CCDC60: variants seen among roughly 807,000 people sequenced by gnomAD.
CCDC60 encodes the protein coiled-coil domain containing 60, also known as coiled-coil domain-containing protein 60.
In CCDC60, 54 loss-of-function variants were observed where a neutral mutation model predicts 63.5. The ratio of observed to expected loss-of-function variants is 0.85; its 90% CI spans 0.68 to 1.07. The LOEUF (loss-of-function observed/expected upper bound fraction) is 1.07, where lower values mean the gene tolerates loss of function less well. CCDC60 is among the 50% of genes least tolerant of loss of function. The pLI is 0.00. For synonymous variants in CCDC60, 206 were observed against 238.8 expected, an observed-to-expected ratio of 0.86 and a Z score of 1.27; for missense variants, 651 against 684.3, an observed-to-expected ratio of 0.95 and a Z score of 0.54.
chr12:119,370,522 A>G (rs1383987189), intron 1 of CCDC60, among the ~76,000 whole-genome samples: 1 of 152,222 alleles, frequency 6.6e-6, no homozygotes, highest in African/African-American at 2.4e-5. Flanking sequence ...TATTTTCAAC[A>G]CAGCTCTTTA....
intron 1 of CCDC60, among the ~76,000 whole-genome samples, chr12:119,395,069 G>T (rs1956227104): frequency 6.6e-6 from 1 of 152,200 alleles, no homozygotes; most frequent in South Asian, 2.1e-4. Flanking sequence ...CCTACAGAAG[G>T]TATAATGTGT....
intron 1 of CCDC60, among the ~76,000 whole-genome samples, chr12:119,355,898 T>C (rs891638176): frequency 5.3e-5 from 8 of 152,224 alleles, no homozygotes; most frequent in Non-Finnish European, 1.0e-4. Flanking sequence ...CATGGCATGC[T>C]GGTGGATGTG....
At chr12:119,482,143 TAC>T (rs997114191) in intron 4 of CCDC60, among the ~76,000 whole-genome samples, 25 of 143,444 alleles carry the variant, frequency 1.7e-4, no homozygotes, top group South Asian at 4.5e-4. Context: ...CACATATATA[TAC>T]ACACACACAC....
At chr12:119,466,562 A>G (rs1234680003) in intron 2 of CCDC60, among the ~76,000 whole-genome samples, 4 of 152,158 alleles carry the variant, frequency 2.6e-5, no homozygotes, top group Admixed American at 2.6e-4. Context: ...CCACCACACC[A>G]TTCCCTTCTG....
rs1214991265 is a variant in CCDC60 at position 119,344,877 on chromosome 12, A to T, written c.90+9611A>T. Among the ~76,000 whole-genome samples the T allele has an allele frequency of 5.3e-5, 8 of 151,014 alleles. No individual in the cohort carries two copies. The South Asian group carries it at 8.5e-4, about 16-fold the overall frequency. ...CTCTCACACACACACACACACACAC[A>T]CACACACACACACACACACACAATC... On this transcript the variant is annotated intron_variant, in intron 1 of 13. Coordinates refer to ENST00000327554, the MANE Select transcript of CCDC60 (RefSeq NM_178499.5).
Position 119,461,505 on chromosome 12 carries a change from CT to C in CCDC60, c.171-10488del, listed in dbSNP as rs368995290. The stretch of plus-strand genomic sequence containing the variant: ...AGCCCTGCTGAGAATACTCCTATTG[CT>C]GCAGTAAGCATCCTCTCATCAGCTC... On this transcript the variant is annotated intron_variant, in intron 2 of 13. Transcript: ENST00000327554. 2.9e-3 allele frequency among the ~76,000 whole-genome samples: 444 copies of C among 152,262 alleles called. 5 individuals carry two copies. The highest frequency in any genetic ancestry group is 0.01 in the African/African-American group (420 of 41,538).
intron 2 of CCDC60, among the ~76,000 whole-genome samples, chr12:119,471,155 C>G (rs1951048560): frequency 1.3e-5 from 2 of 152,172 alleles, no homozygotes; most frequent in South Asian, 4.1e-4. Context: ...AGGTGTGTAG[C>G]CCATCACGAC....
At chr12:119,495,379 C>A (rs1951696742) in intron 5 of CCDC60, among the ~76,000 whole-genome samples, 1 of 152,186 alleles carries the variant, frequency 6.6e-6, no homozygotes, top group African/African-American at 2.4e-5. Flanking sequence ...GATGTTATCA[C>A]ATATAAACTG....
chr12:119,474,331 C>T (rs867837409), intron 3 of CCDC60, among the ~76,000 whole-genome samples: 16 of 152,268 alleles, frequency 1.1e-4, no homozygotes, highest in African/African-American at 2.9e-4. Context: ...ATGGAAGCCA[C>T]GACAGATACC....
rs77266724 is a variant in CCDC60 at position 119,485,748 on chromosome 12, G to A, written c.450-3011G>A. ...TCTCCTAACACAGTCACACGCTGAG[G>A]TACAGAGGTTCGAATTTCAACAAAT... On this transcript the variant is annotated intron_variant, in intron 4 of 13. Coordinates refer to ENST00000327554, the MANE Select transcript of CCDC60 (RefSeq NM_178499.5). Among the ~76,000 whole-genome samples, 342 of 152,232 alleles carry A rather than the reference G, an allele frequency of 2.2e-3. 6 individuals are homozygous for A. The East Asian group carries it at 0.042, about 18-fold the overall frequency.
At chr12:119,359,473 A>G (rs566338139) in intron 1 of CCDC60, among the ~76,000 whole-genome samples, 1 of 151,988 alleles carries the variant, frequency 6.6e-6, no homozygotes, top group South Asian at 2.1e-4. Context: ...AAGAATAAAT[A>G]TTGAGAATAT....
rs76936401 is a variant in CCDC60 at position 119,395,159 on chromosome 12, G to A, written c.91-33524G>A. On this transcript the variant is annotated intron_variant, in intron 1 of 13. Transcript: ENST00000327554. ...TATCTGGGCAGAGGTGCAACCAACA[G>A]ATGAAAAGTCATGAATGACTCTATA... is the stretch of plus-strand genomic sequence containing the variant. Among the ~76,000 whole-genome samples, 743 of 152,334 alleles carry A rather than the reference G, an allele frequency of 4.9e-3. 9 individuals carry two copies. The highest frequency in any genetic ancestry group is 0.017 in the African/African-American group (719 of 41,568).
At chr12:119,466,487 G>T (rs1184250266) in intron 2 of CCDC60, among the ~76,000 whole-genome samples, 1 of 152,190 alleles carries the variant, frequency 6.6e-6, no homozygotes, top group African/African-American at 2.4e-5. Flanking sequence ...GTGTAATAAA[G>T]AATCTGACTC....
chr12:119,506,673 T>C (rs1173665868), intron 7 of CCDC60, among the ~76,000 whole-genome samples: 2 of 151,760 alleles, frequency 1.3e-5, no homozygotes, highest in African/African-American at 4.8e-5. Context: ...AATAGGAAAA[T>C]TCATTGAAAG....
intron 2 of CCDC60, among the ~76,000 whole-genome samples, chr12:119,469,868 G>T (rs371610369): frequency 4.6e-5 from 7 of 152,206 alleles, no homozygotes; most frequent in African/African-American, 1.7e-4. Flanking sequence ...AATTGATCTA[G>T]CATATAACAG....
At chr12:119,371,961 G>A (rs1955902437) in intron 1 of CCDC60, among the ~76,000 whole-genome samples, 1 of 152,116 alleles carries the variant, frequency 6.6e-6, no homozygotes, top group Non-Finnish European at 1.5e-5. Flanking sequence ...AGAATGGCAG[G>A]TAAGCATGAT....
intron 2 of CCDC60, among the ~76,000 whole-genome samples, chr12:119,432,079 G>A (rs999439923): frequency 6.6e-6 from 1 of 152,170 alleles, no homozygotes; most frequent in African/African-American, 2.4e-5. Context: ...GATGGAGTTC[G>A]TTAAAAGTCA....
chr12:119,358,207 C>T (rs1261607670), intron 1 of CCDC60, among the ~76,000 whole-genome samples: 1 of 152,172 alleles, frequency 6.6e-6, no homozygotes, highest in African/African-American at 2.4e-5. Context: ...GGACACAGAT[C>T]CAAACCATGT....
intron 13 of CCDC60, among the ~76,000 whole-genome samples, chr12:119,531,577 C>T (rs1377011542): frequency 6.6e-6 from 1 of 152,028 alleles, no homozygotes; most frequent in African/African-American, 2.4e-5. Context: ...AAGACGGCAC[C>T]ATGAAGAGAA....
Sources: gnomAD v4.1 joint callset for allele counts (sites outside exome capture counted in the v4.1 genomes callset) on GRCh38, gnomAD v4.1.1 for gene constraint, MANE v1.5 for transcripts, NCBI Gene and HGNC (gene_info 2026-07-23, HGNC 2026-07-21) for gene names.